CDH12: variants seen among roughly 807,000 people sequenced by gnomAD.
CDH12 encodes cadherin 12.
Under a neutral mutation model 74.1 loss-of-function variants are expected in CDH12, and 41 were observed. The observed-to-expected ratio is 0.55, with a 90% confidence interval of 0.43 to 0.72. The LOEUF (loss-of-function observed/expected upper bound fraction) is 0.72, where lower values mean the gene tolerates loss of function less well. CDH12 is among the 30% of genes least tolerant of loss of function. CDH12 has a pLI of 0.00. For synonymous variants in CDH12, 399 were observed against 355.0 expected (o/e 1.12, Z -1.39); for missense variants, 945 against 977.2 (o/e 0.97, Z 0.44).
Position 21,896,799 on chromosome 5 carries a change from C to T in CDH12, c.527-42009G>A, listed in dbSNP as rs543908039. Among the ~76,000 whole-genome samples, 6 of 152,236 alleles carry T rather than the reference C, an allele frequency of 3.9e-5. No individual in the cohort carries two copies. The South Asian group carries it at 1.0e-3, about 26-fold the overall frequency. ...TCAGAAAAATGAGACTATAGATTGACGAAGTATTAAATCTGTGGTAGCTTA... is the reference window on the plus strand; with the variant it reads ...TCAGAAAAATGAGACTATAGATTGATGAAGTATTAAATCTGTGGTAGCTTA... On this transcript the variant is annotated intron_variant, in intron 6 of 14. Coordinates refer to ENST00000382254, the MANE Select transcript of CDH12 (RefSeq NM_004061.5).
chr5:22,007,542 A>T (rs1330762878), intron 5 of CDH12, among the ~76,000 whole-genome samples: 2 of 152,190 alleles, frequency 1.3e-5, no homozygotes, highest in Non-Finnish European at 2.9e-5. Context: ...TTTTAGAAAA[A>T]TAAAACATTC....
chr5:22,774,909 G>A (rs771596919), intron 1 of CDH12, among the ~76,000 whole-genome samples: 4 of 152,030 alleles, frequency 2.6e-5, no homozygotes, highest in Non-Finnish European at 4.4e-5. Context: ...TGACAGGATC[G>A]TTTGCATCTC....
chr5:21,959,140 G>GATTT (rs1394488819), intron 6 of CDH12, among the ~76,000 whole-genome samples: 3 of 152,368 alleles, frequency 2.0e-5, no homozygotes, highest in Admixed American at 1.3e-4. Flanking sequence ...TTTGTACATT[G>GATTT]ATTTTCTTTC....
At chr5:22,517,673 C>T (rs1736865009) in intron 1 of CDH12, among the ~76,000 whole-genome samples, 1 of 152,140 alleles carries the variant, frequency 6.6e-6, no homozygotes, top group African/African-American at 2.4e-5. Flanking sequence ...ACATCTGCTG[C>T]CAAAAATTGC....
At chr5:22,675,887 ACTTTTGTT>A (rs1741158396) in intron 1 of CDH12, among the ~76,000 whole-genome samples, 1 of 137,400 alleles carries the variant, frequency 7.3e-6, no homozygotes, top group Non-Finnish European at 1.6e-5. Flanking sequence ...ATATATATAT[ACTTTTGTT>A]TATATGCTTT....
At chr5:22,350,586 T>C (rs562885789) in intron 3 of CDH12, among the ~76,000 whole-genome samples, 1 of 152,326 alleles carries the variant, frequency 6.6e-6, no homozygotes, top group African/African-American at 2.4e-5. Flanking sequence ...GACTATTATA[T>C]AACAGGACCT....
At chr5:22,579,344 A>G (rs1393917636) in intron 1 of CDH12, among the ~76,000 whole-genome samples, 2 of 152,166 alleles carry the variant, frequency 1.3e-5, no homozygotes, top group East Asian at 3.8e-4. Flanking sequence ...CTTGGAAAGA[A>G]ATTGATTTTA....
At chr5:22,744,639 TTA>T (rs1304358697) in intron 1 of CDH12, among the ~76,000 whole-genome samples, 17 of 152,182 alleles carry the variant, frequency 1.1e-4, no homozygotes, top group Non-Finnish European at 2.4e-4. Flanking sequence ...CCCAACAATT[TTA>T]TAGATAGCAA....
chr5:21,765,193 T>C, intron 11 of CDH12, 94 bp from the exon 12 acceptor site: 1 of 1,060,994 alleles, frequency 9.4e-7, no homozygotes, highest in Non-Finnish European at 1.3e-6. Flanking sequence ...AAAATCAGCC[T>C]TTATATAGAA....
chr5:22,299,108 C>T (rs927287784), intron 3 of CDH12, among the ~76,000 whole-genome samples: 9 of 152,056 alleles, frequency 5.9e-5, no homozygotes, highest in South Asian at 2.1e-4. Flanking sequence ...AGGTGAGAAA[C>T]GGAACCATAC....
chr5:21,956,125 C>CA (rs1234089022), intron 6 of CDH12, among the ~76,000 whole-genome samples: 2 of 151,548 alleles, frequency 1.3e-5, no homozygotes, highest in South Asian at 4.2e-4. Flanking sequence ...ATGAAATAAG[C>CA]AAAACATTTA....
At chr5:22,089,787 G>C (rs994369395) in intron 4 of CDH12, among the ~76,000 whole-genome samples, 4 of 151,844 alleles carry the variant, frequency 2.6e-5, no homozygotes, top group African/African-American at 9.7e-5. Flanking sequence ...GAAATTAAAA[G>C]GTGAAAAAGT....
intron 1 of CDH12, among the ~76,000 whole-genome samples, chr5:22,623,000 G>A (rs1405200604): frequency 1.3e-5 from 2 of 152,208 alleles, no homozygotes; most frequent in African/African-American, 4.8e-5. Flanking sequence ...TCCCTGGGAT[G>A]CAAGACTGGT....
chr5:22,570,799 G>C (rs766586606), intron 1 of CDH12, among the ~76,000 whole-genome samples: 2 of 151,404 alleles, frequency 1.3e-5, no homozygotes, highest in Admixed American at 1.3e-4. Flanking sequence ...CTTCTCTCTA[G>C]CTATGAAAAT....
chr5:22,129,075 G>A (rs1249555063), intron 4 of CDH12, among the ~76,000 whole-genome samples: 1 of 152,178 alleles, frequency 6.6e-6, no homozygotes, highest in African/African-American at 2.4e-5. Flanking sequence ...TTGGGAAATT[G>A]AGGAATAAAA....
At chr5:22,742,782 A>G (rs1258104363) in intron 1 of CDH12, among the ~76,000 whole-genome samples, 1 of 151,028 alleles carries the variant, frequency 6.6e-6, no homozygotes, top group Non-Finnish European at 1.5e-5. Context: ...ACACATATAT[A>G]TATTCATATA....
At chr5:22,404,453 G>A (rs1033811117) in intron 3 of CDH12, among the ~76,000 whole-genome samples, 2 of 151,816 alleles carry the variant, frequency 1.3e-5, no homozygotes, top group East Asian at 1.9e-4. Context: ...TCATCAAGAA[G>A]CCTGCCCTTT....
intron 3 of CDH12, among the ~76,000 whole-genome samples, chr5:22,286,616 C>G (rs972719735): frequency 6.6e-6 from 1 of 151,354 alleles, no homozygotes; most frequent in Non-Finnish European, 1.5e-5. Context: ...TCCTCTCATA[C>G]AGAAAGGAGT....
intron 1 of CDH12, among the ~76,000 whole-genome samples, chr5:22,826,523 G>A (rs904792366): frequency 2.0e-5 from 3 of 152,164 alleles, no homozygotes; most frequent in African/African-American, 2.4e-5. Flanking sequence ...AATTTGGAGG[G>A]CTCAGAAGAA....
Sources: gnomAD v4.1 joint callset for allele counts (sites outside exome capture counted in the v4.1 genomes callset) on GRCh38, gnomAD v4.1.1 for gene constraint, MANE v1.5 for transcripts, NCBI Gene and HGNC (gene_info 2026-07-23, HGNC 2026-07-21) for gene names.